The following FAR2 variants were observed in gnomAD, a reference collection of about 807,000 sequenced individuals.
The protein encoded by FAR2 is fatty acyl-CoA reductase 2.
A neutral mutation model predicts 56.0 loss-of-function variants in FAR2; 19 were observed. The ratio of observed to expected loss-of-function variants is 0.34; its 90% CI spans 0.24 to 0.50. The LOEUF (loss-of-function observed/expected upper bound fraction) is 0.50. FAR2 is among the 20% of genes least tolerant of loss of function. The pLI is 0.98. For missense variants in FAR2, 508 were observed against 642.2 expected (o/e 0.79, Z 2.26); for synonymous variants, 219 against 218.8 (o/e 1.00, Z -0.01).
intron 1 of FAR2, among the ~76,000 whole-genome samples, chr12:29,264,024 G>T (rs1948469710): frequency 6.6e-6 from 1 of 151,956 alleles, no homozygotes; most frequent in Non-Finnish European, 1.5e-5. Flanking sequence ...AGGAAAGTAG[G>T]AAAACTATAT....
At position 29,186,874 on chromosome 12, in the gene FAR2, C is replaced by G. The variant is rs936649966; in HGVS notation, c.-39+37467C>G. On this transcript the variant is annotated intron_variant, in intron 1 of 11. Coordinates refer to ENST00000536681, the MANE Select transcript of FAR2 (RefSeq NM_001271783.2). Reference sequence around the variant, plus strand: ...CGCAATCTCGGCTCACTGTAAGCTCCGCCTCCCGGGTTCACGCCATTCTCC... The same window carrying G: ...CGCAATCTCGGCTCACTGTAAGCTCGGCCTCCCGGGTTCACGCCATTCTCC... Among the ~76,000 whole-genome samples the G allele has an allele frequency of 1.3e-5, 2 of 151,952 alleles. 1 individual carries two copies. The highest frequency in any genetic ancestry group is 4.1e-4 in the South Asian group (2 of 4,824).
chr12:29,298,050 A>G (rs1949100479), intron 4 of FAR2, among the ~76,000 whole-genome samples: 3 of 151,830 alleles, frequency 2.0e-5, no homozygotes, highest in South Asian at 4.1e-4. Flanking sequence ...AAAAAAAAAA[A>G]AAAAAAGAAC....
intron 1 of FAR2, among the ~76,000 whole-genome samples, chr12:29,263,779 A>G (rs961648205): frequency 6.6e-6 from 1 of 151,682 alleles, no homozygotes; most frequent in Middle Eastern, 3.2e-3. Flanking sequence ...AAACCTGCAT[A>G]GACCAATAAC....
At chr12:29,254,950 C>CA (rs759782873) in intron 1 of FAR2, among the ~76,000 whole-genome samples, 45,819 of 121,218 alleles carry the variant, frequency 0.38, 9,172 homozygotes, top group Admixed American at 0.51. Flanking sequence ...AAGACTGTCT[C>CA]AAAAAAAAAA....
chr12:29,285,690 G>A (rs1425159358), intron 2 of FAR2, among the ~76,000 whole-genome samples: 1 of 152,178 alleles, frequency 6.6e-6, no homozygotes, highest in Non-Finnish European at 1.5e-5. Flanking sequence ...GGAGGTCGAG[G>A]CAGACAGATC....
At chr12:29,252,632 C>A (rs138129552) in intron 1 of FAR2, among the ~76,000 whole-genome samples, 1 of 151,926 alleles carries the variant, frequency 6.6e-6, no homozygotes, top group Non-Finnish European at 1.5e-5. Flanking sequence ...ACAGATATCA[C>A]GAAAAAAAGT....
intron 1 of FAR2, among the ~76,000 whole-genome samples, chr12:29,245,180 C>T (rs1565485864): frequency 6.6e-6 from 1 of 152,128 alleles, no homozygotes; most frequent in African/African-American, 2.4e-5. Flanking sequence ...CGGGGTTTCA[C>T]CACGTTGGCC....
At chr12:29,276,915 G>A (rs1294983652) in intron 2 of FAR2, among the ~76,000 whole-genome samples, 1 of 151,002 alleles carries the variant, frequency 6.6e-6, no homozygotes, top group Non-Finnish European at 1.5e-5. Context: ...CTGCACTCCA[G>A]CCTGGGCAAC....
chr12:29,253,291 C>CTA lies in FAR2; in HGVS notation c.-38-17119_-38-17118dup, dbSNP rs1389443935. ...GATATCTATATATCGATATCTATAT[C>CTA]TATCTAGATAGATATCTATATATCT... On this transcript the variant is annotated intron_variant, in intron 1 of 11. Coordinates refer to ENST00000536681, the MANE Select transcript of FAR2 (RefSeq NM_001271783.2). Among the ~76,000 whole-genome samples, 38 of 135,276 alleles carry CTA rather than the reference C, an allele frequency of 2.8e-4. 1 individual carries two copies. Among genetic ancestry groups the CTA allele is most frequent in the African/African-American group, 1.0e-3 (37 of 36,324 alleles). 88.7% of individuals were successfully genotyped at this position (135,276 alleles called of 152,430 possible).
intron 3 of FAR2, among the ~76,000 whole-genome samples, chr12:29,294,650 A>G (rs1949027947): frequency 6.6e-6 from 1 of 152,190 alleles, no homozygotes; most frequent in Admixed American, 6.5e-5. Context: ...GTGCCTGGCC[A>G]TTAAATTCTT....
intron 1 of FAR2, among the ~76,000 whole-genome samples, chr12:29,188,059 C>T (rs1463345077): frequency 6.6e-6 from 1 of 152,206 alleles, no homozygotes; most frequent in Non-Finnish European, 1.5e-5. Context: ...CTCCCATCCT[C>T]ATGCTGGCCT....
intron 2 of FAR2, among the ~76,000 whole-genome samples, chr12:29,285,969 G>A (rs995866377): frequency 5.3e-5 from 8 of 151,974 alleles, no homozygotes; most frequent in African/African-American, 1.7e-4. Flanking sequence ...ACCAAGCCAT[G>A]AGGTTCAACA....
intron 4 of FAR2, among the ~76,000 whole-genome samples, chr12:29,303,078 G>T (rs1565514382): frequency 6.6e-6 from 1 of 152,266 alleles, no homozygotes; most frequent in South Asian, 2.1e-4. Flanking sequence ...AGCTAATCCT[G>T]ATATATTCAA....
chr12:29,218,198 A>C (rs1189027960), intron 1 of FAR2, among the ~76,000 whole-genome samples: 1 of 151,866 alleles, frequency 6.6e-6, no homozygotes, highest in African/African-American at 2.4e-5. Context: ...CTACTAAAAA[A>C]TACAAAAAAA....
intron 1 of FAR2, among the ~76,000 whole-genome samples, chr12:29,260,535 C>T (rs1948399734): frequency 6.6e-6 from 1 of 152,110 alleles, no homozygotes; most frequent in Admixed American, 6.5e-5. Context: ...AGATTCAGAG[C>T]TGTGCTGGCT....
chr12:29,230,021 C>T (rs776043126), intron 1 of FAR2, among the ~76,000 whole-genome samples: 1 of 152,016 alleles, frequency 6.6e-6, no homozygotes, highest in African/African-American at 2.4e-5. Context: ...AAACAAATTC[C>T]TTGCCCACAG....
intron 11 of FAR2, chr12:29,333,199 T>C (rs576569474): frequency 8.8e-5 from 26 of 294,334 alleles, no homozygotes; most frequent in South Asian, 8.6e-4. Flanking sequence ...GGTATAATCC[T>C]GGTAGAAGCA....
At chr12:29,190,463 ATTAAT>A (rs1950093626) in intron 1 of FAR2, among the ~76,000 whole-genome samples, 1 of 152,040 alleles carries the variant, frequency 6.6e-6, no homozygotes, top group Admixed American at 6.6e-5. Context: ...TAATTAATTA[ATTAAT>A]TTATTTATTT....
At chr12:29,252,197 C>T (rs955440095) in intron 1 of FAR2, among the ~76,000 whole-genome samples, 2 of 152,142 alleles carry the variant, frequency 1.3e-5, no homozygotes, top group Admixed American at 6.5e-5. Context: ...AAGAGTCTGT[C>T]TGAAATACAG....
Sources: allele counts gnomAD v4.1 joint callset (sites outside exome capture counted in the v4.1 genomes callset), GRCh38; gene constraint gnomAD v4.1.1; transcripts MANE v1.5; gene names NCBI Gene and HGNC (gene_info 2026-07-23, HGNC 2026-07-21).